The following GFPT2 variants were observed in gnomAD, a reference collection of about 807,000 sequenced individuals.
GFPT2 encodes glutamine--fructose-6-phosphate transaminase 2.
A neutral mutation model predicts 85.6 loss-of-function variants in GFPT2; 62 were observed. That is an observed-to-expected ratio of 0.72 (90% CI 0.59 to 0.90). GFPT2 has a LOEUF of 0.90. Ranked by LOEUF, GFPT2 falls within the 40% of genes least tolerant of loss-of-function variation. The pLI is 0.00. For missense variants in GFPT2, 788 were observed against 893.4 expected (o/e 0.88, Z 1.50); for synonymous variants, 368 against 344.5 (o/e 1.07, Z -0.75).
In GFPT2 at chr5:180,318,465, C is replaced by T. The variant is rs1764055247; in HGVS notation, c.958+328G>A. 6.6e-6 allele frequency among the ~76,000 whole-genome samples: 1 copy of T among 152,114 alleles called. No individual in the cohort carries two copies. Among genetic ancestry groups the T allele is most frequent in the African/African-American group, 2.4e-5 (1 of 41,416 alleles). ...CCACCCCCCATTTACTGCAGACCTGCAGACTTCCACCCAGAGGAGAAATGA... is the reference window on the plus strand; with the variant it reads ...CCACCCCCCATTTACTGCAGACCTGTAGACTTCCACCCAGAGGAGAAATGA... On this transcript the variant is annotated intron_variant, in intron 10 of 18. Coordinates refer to ENST00000253778, the MANE Select transcript of GFPT2 (RefSeq NM_005110.4). This position sits in a 1 kb window ranked among gnomAD's most constrained non-coding sequence, Gnocchi z 4.2.
chr5:180,333,274 G>A lies in GFPT2; in HGVS notation c.341-1721C>T, dbSNP rs180958814. ...TTCTGAGATGGAGTCTCACTCTGTC[G>A]CCCAGGCTGGAGTGCAGTGGCGCGA... On this transcript the variant is annotated intron_variant, in intron 4 of 18. Coordinates refer to ENST00000253778, the MANE Select transcript of GFPT2 (RefSeq NM_005110.4). 1.4e-3 allele frequency among the ~76,000 whole-genome samples: 215 copies of A among 149,828 alleles called. 1 individual carries two copies. Among genetic ancestry groups the A allele is most frequent in the African/African-American group, 4.9e-3 (199 of 40,700 alleles).
In GFPT2 at chr5:180,335,931, T is replaced by C. The variant is rs1252559120; in HGVS notation, c.237A>G (p.Lys79=). The change falls in exon 4 of 19, where the codon AAA becomes AAG. Residue 79 remains lysine, a synonymous_variant. Coordinates refer to ENST00000253778, the MANE Select transcript of GFPT2 (RefSeq NM_005110.4). Reference sequence around the variant, plus strand: ...TGCCGAAGTGTGTCTCAAACTCCACTTTTAAGTCCATGCTGTCTTGTTCTA... The same window carrying C: ...TGCCGAAGTGTGTCTCAAACTCCACCTTTAAGTCCATGCTGTCTTGTTCTA... ...ELYKQDSMDL[K]VEFETHFGIA... is the part of the protein sequence containing the mutation. 5.7e-6 allele frequency: 9 copies of C among 1,571,822 alleles called. No homozygotes were observed. Among genetic ancestry groups the C allele is most frequent in the Non-Finnish European group, 7.7e-6 (9 of 1,165,430 alleles).
Position 180,353,315 on chromosome 5 carries a change from G to T in GFPT2, c.-98C>A. On this transcript the variant is annotated 5_prime_UTR_variant, in exon 1 of 19. Coordinates refer to ENST00000253778, the MANE Select transcript of GFPT2 (RefSeq NM_005110.4). ...CTCCTCCGTGGGCTCCGTGGGCTCC[G>T]TGGGCTCCGCGGGCTCCAGCTCCCG... 1 of 952,282 alleles carries T rather than the reference G, an allele frequency of 1.1e-6. No individual in the cohort carries two copies. Among genetic ancestry groups the T allele is most frequent in the Non-Finnish European group, 1.4e-6 (1 of 735,768 alleles). 59.0% of individuals were successfully genotyped at this position (952,282 alleles called of 1,614,324 possible). A position where few individuals can be genotyped will look rare whatever the true frequency, so the allele number is the denominator to read the frequency against.
Position 180,330,811 on chromosome 5 carries a change from C to T in GFPT2, c.423G>A (p.Glu141=). Residue 141 remains glutamate (E), a synonymous_variant, in exon 6 of 19, where the codon GAG becomes GAA. Transcript: ENST00000253778. This position sits in a 1 kb window ranked among gnomAD's most constrained non-coding sequence, Gnocchi z 4.4. Reference sequence around the variant, plus strand: ...CGATGGTCTCTGTATCTGTTTCTGACTCAAACTCGTAGCCTTTGCTTTCCT... The same window carrying T: ...CGATGGTCTCTGTATCTGTTTCTGATTCAAACTCGTAGCCTTTGCTTTCCT... The part of the protein sequence containing the change: ...KFLESKGYEF[E]SETDTETIAK... The T allele has an allele frequency of 6.2e-7, 1 of 1,613,968 alleles. No individual in the cohort carries two copies. Among genetic ancestry groups the T allele is most frequent in the Non-Finnish European group, 8.5e-7 (1 of 1,179,838 alleles).
At position 180,313,889 on chromosome 5, in the gene GFPT2, G is replaced by A. The variant is rs759616421; in HGVS notation, c.1349C>T (p.Thr450Ile). ...CTCGCGAGAGATGGAGCTGCCCACG[G>A]TGTTGGTGACGCCCACGGTGAGAGC... is the stretch of plus-strand genomic sequence containing the variant. ...RGALTVGVTNTVGSSISRETD... is the reference protein window; with the variant it reads ...RGALTVGVTNIVGSSISRETD... The change falls in exon 14 of 19, where the codon ACC becomes ATC. Residue 450 changes from threonine to isoleucine, a missense_variant. By Grantham distance (89) the Thr-to-Ile change is moderately conservative. Coordinates refer to ENST00000253778, the MANE Select transcript of GFPT2 (RefSeq NM_005110.4). 2 of 1,607,194 alleles carry A rather than the reference G, an allele frequency of 1.2e-6. No individual in the cohort carries two copies. Among genetic ancestry groups the A allele is most frequent in the Admixed American group, 3.3e-5 (2 of 59,928 alleles).
At chr5:180,339,753 C>T (rs1203875050) in intron 1 of GFPT2, among the ~76,000 whole-genome samples, 1 of 152,256 alleles carries the variant, frequency 6.6e-6, no homozygotes, top group Admixed American at 6.5e-5. Context: ...CAGGTGTGCT[C>T]CTGGCTCTGG....
At chr5:180,349,612 C>T (rs530308309) in intron 1 of GFPT2, among the ~76,000 whole-genome samples, 3 of 152,156 alleles carry the variant, frequency 2.0e-5, no homozygotes, top group South Asian at 2.1e-4. Context: ...TGGGAGAGGC[C>T]GGCGACAGAT....
chr5:180,310,256 G>A (rs6601108), intron 15 of GFPT2, among the ~76,000 whole-genome samples: 1 of 150,552 alleles, frequency 6.6e-6, no homozygotes. Context: ...GCACCCACTA[G>A]CACGCCCAGC....
At chr5:180,313,754 G>A in intron 14 of GFPT2, 53 bp downstream of exon 14, 2 of 1,490,586 alleles carry the variant, frequency 1.3e-6, no homozygotes, top group Non-Finnish European at 1.8e-6. Context: ...GGCCTCTGGT[G>A]CACCTGCCTC....
intron 14 of GFPT2, 65 bp downstream of exon 14, chr5:180,313,742 G>T (rs1763945752): frequency 3.5e-6 from 5 of 1,417,444 alleles, no homozygotes; most frequent in Non-Finnish European, 4.7e-6. Context: ...CCGGAGGAGG[G>T]CGGCCTCTGG....
chr5:180,317,737 C>A (rs1321364574), intron 10 of GFPT2, among the ~76,000 whole-genome samples: 4 of 86,006 alleles, frequency 4.7e-5, no homozygotes, highest in Non-Finnish European at 8.5e-5. Flanking sequence ...CCAGCCTGGG[C>A]GACAGAGCAA....
At chr5:180,332,268 G>GGGATGCGGT (rs1196333916) in intron 4 of GFPT2, among the ~76,000 whole-genome samples, 2 of 146,856 alleles carry the variant, frequency 1.4e-5, no homozygotes, top group African/African-American at 5.3e-5. Flanking sequence ...GGGGATGCGG[G>GGGATGCGGT]GGATGCGGTG....
At chr5:180,322,939 G>A (rs1420586186) in intron 9 of GFPT2, among the ~76,000 whole-genome samples, 1 of 152,018 alleles carries the variant, frequency 6.6e-6, no homozygotes, top group Non-Finnish European at 1.5e-5. Flanking sequence ...AGAGGCTGAG[G>A]CAGGAGAATC....
rs576097394 is a variant in GFPT2 at position 180,311,834 on chromosome 5, G to A, written c.1546+596C>T. 1.6e-4 allele frequency among the ~76,000 whole-genome samples: 24 copies of A among 152,282 alleles called. 1 individual carries two copies. In the South Asian group the frequency reaches 5.0e-3, roughly 32 times the overall value. On this transcript the variant is annotated intron_variant, in intron 15 of 18. Coordinates refer to ENST00000253778, the MANE Select transcript of GFPT2 (RefSeq NM_005110.4). The stretch of plus-strand genomic sequence containing the variant: ...GAGGGTCTCAGGAGGTGACATTTGA[G>A]CTGAGGTTTGGGAGATGAGAAGCTG...
intron 9 of GFPT2, among the ~76,000 whole-genome samples, chr5:180,322,715 C>T (rs1190126982): frequency 6.6e-6 from 1 of 152,088 alleles, no homozygotes; most frequent in African/African-American, 2.4e-5. Flanking sequence ...CCTCTCCTTT[C>T]AGGCATTCAT....
chr5:180,343,987 C>G (rs1027332347), intron 1 of GFPT2, among the ~76,000 whole-genome samples: 1 of 152,192 alleles, frequency 6.6e-6, no homozygotes, highest in Non-Finnish European at 1.5e-5. Flanking sequence ...TGCACACGTG[C>G]GAGGACAGCT....
intron 3 of GFPT2, 43 bp downstream of exon 3, chr5:180,336,436 C>T (rs920380276): frequency 3.2e-5 from 34 of 1,064,692 alleles, no homozygotes; most frequent in African/African-American, 7.7e-5. Flanking sequence ...AGAAAGCGGC[C>T]GGCGCTGCAG....
intron 7 of GFPT2, among the ~76,000 whole-genome samples, chr5:180,325,930 CA>C (rs1764203797): frequency 6.6e-6 from 1 of 152,118 alleles, no homozygotes; most frequent in Non-Finnish European, 1.5e-5. Context: ...GAGGCTGAGA[CA>C]AGAGAATCAC....
chr5:180,317,897 C>T (rs935357394), intron 10 of GFPT2, among the ~76,000 whole-genome samples: 1 of 152,086 alleles, frequency 6.6e-6, no homozygotes, highest in African/African-American at 2.4e-5. Flanking sequence ...GAGGTACCCA[C>T]AGGCAGGGCA....
Sources: allele counts gnomAD v4.1 joint callset (sites outside exome capture counted in the v4.1 genomes callset), GRCh38; gene constraint gnomAD v4.1.1; non-coding constraint Gnocchi (gnomAD v3.1); transcripts MANE v1.5; gene names NCBI Gene and HGNC (gene_info 2026-07-23, HGNC 2026-07-21).